MYO1B: variants seen among roughly 807,000 people sequenced by gnomAD.
MYO1B encodes unconventional myosin-Ib.
Under a neutral mutation model 159.7 loss-of-function variants are expected in MYO1B, and 72 were observed. That is an observed-to-expected ratio of 0.45 (90% CI 0.37 to 0.55). The LOEUF (loss-of-function observed/expected upper bound fraction) is 0.55, where lower values mean the gene tolerates loss of function less well. MYO1B is among the 20% of genes least tolerant of loss of function. The pLI, the probability that MYO1B is intolerant of heterozygous loss-of-function variation, is 0.00. For synonymous variants in MYO1B, 468 were observed against 473.8 expected (o/e 0.99, Z 0.16); for missense variants, 1,062 against 1,364.8 (o/e 0.78, Z 3.50).
intron 2 of MYO1B, among the ~76,000 whole-genome samples, chr2:191,292,603 G>T (rs1688748419): frequency 6.6e-6 from 1 of 152,164 alleles, no homozygotes; most frequent in Non-Finnish European, 1.5e-5. Context: ...TTTCTTATCA[G>T]ACTTAAGGTC....
rs1418034652 is a variant in MYO1B at position 191,424,760 on chromosome 2, A to G, written c.*800A>G. The G allele has an allele frequency of 6.6e-6, 1 of 152,508 alleles. No homozygotes were observed. The highest frequency in any genetic ancestry group is 1.9e-4 in the East Asian group (1 of 5,200). 9.4% of individuals were successfully genotyped at this position (152,508 alleles called of 1,614,324 possible). A position where few individuals can be genotyped will look rare whatever the true frequency, so the allele number is the denominator to read the frequency against. On this transcript the variant is annotated 3_prime_UTR_variant, in exon 31 of 31. Coordinates refer to ENST00000392318, the MANE Select transcript of MYO1B (RefSeq NM_001130158.3). ...TTATATGTTTCTGTTTCTGGTAAAT[A>G]CCATATATGATCCTCGAAATGATAA... is the stretch of plus-strand genomic sequence containing the variant.
intron 4 of MYO1B, among the ~76,000 whole-genome samples, chr2:191,339,848 C>T (rs1009928006): frequency 1.1e-4 from 16 of 152,170 alleles, no homozygotes; most frequent in African/African-American, 3.9e-4. Context: ...CAAAAGCCCT[C>T]AGGAATACGT....
intron 3 of MYO1B, among the ~76,000 whole-genome samples, chr2:191,313,285 A>T: frequency 7.7e-6 from 1 of 129,562 alleles, no homozygotes; most frequent in South Asian, 2.4e-4. Flanking sequence ...ACCTCAGCTC[A>T]CTGCAACGTC....
chr2:191,399,384 T>A (rs1156295202), intron 21 of MYO1B, among the ~76,000 whole-genome samples: 1 of 152,230 alleles, frequency 6.6e-6, no homozygotes, highest in African/African-American at 2.4e-5. Context: ...TAAAGTTTTA[T>A]TGGAACACAG....
Position 191,424,548 on chromosome 2 carries a change from G to A in MYO1B, c.*588G>A, listed in dbSNP as rs2126207907. 2 of 152,216 alleles carry A rather than the reference G, an allele frequency of 1.3e-5. No individual in the cohort carries two copies. The highest frequency in any genetic ancestry group is 4.2e-4 in the South Asian group (2 of 4,812). The allele number at this position is 152,216 out of a possible 1,614,324, so 9.4% of individuals were successfully genotyped here. A position where few individuals can be genotyped will look rare whatever the true frequency, so the allele number is the denominator to read the frequency against. ...ACAATATAGGCTTCAAGAAGGGCTG[G>A]TCCTAAGAGGGGGCAGAAATGAATG... On this transcript the variant is annotated 3_prime_UTR_variant, in exon 31 of 31. Transcript: ENST00000392318.
chr2:191,254,015 T>C (rs757630042), intron 1 of MYO1B, among the ~76,000 whole-genome samples: 5 of 152,218 alleles, frequency 3.3e-5, no homozygotes, highest in Non-Finnish European at 5.9e-5. Context: ...GAATGAATGA[T>C]TTAGTACATT....
At chr2:191,259,345 T>TG (rs1686657300) in intron 1 of MYO1B, among the ~76,000 whole-genome samples, 1 of 152,122 alleles carries the variant, frequency 6.6e-6, no homozygotes, top group African/African-American at 2.4e-5. Context: ...TGCAGGAAAA[T>TG]GGAGTTTAAA....
intron 1 of MYO1B, among the ~76,000 whole-genome samples, chr2:191,265,089 T>A (rs1023844100): frequency 6.6e-6 from 1 of 152,072 alleles, no homozygotes; most frequent in African/African-American, 2.4e-5. Flanking sequence ...TCTGGAGGGA[T>A]AATTTTCTTC....
At chr2:191,281,896 C>T (rs889554478) in intron 2 of MYO1B, among the ~76,000 whole-genome samples, 1 of 152,104 alleles carries the variant, frequency 6.6e-6, no homozygotes, top group Non-Finnish European at 1.5e-5. Flanking sequence ...TTATGTTAAA[C>T]TAATTGTAGT....
intron 2 of MYO1B, among the ~76,000 whole-genome samples, chr2:191,286,886 G>T (rs10184127): frequency 1.3e-5 from 2 of 152,054 alleles, no homozygotes; most frequent in Non-Finnish European, 2.9e-5. Flanking sequence ...AGCCAGGATC[G>T]CACCACTGCA....
intron 1 of MYO1B, among the ~76,000 whole-genome samples, chr2:191,276,002 C>G (rs1362470329): frequency 6.6e-6 from 1 of 152,314 alleles, no homozygotes; most frequent in African/African-American, 2.4e-5. Flanking sequence ...GGGTAGAATG[C>G]TGCCTTTGTA....
intron 2 of MYO1B, among the ~76,000 whole-genome samples, chr2:191,292,033 T>C (rs1688717562): frequency 6.6e-6 from 1 of 152,160 alleles, no homozygotes; most frequent in Non-Finnish European, 1.5e-5. Context: ...CTAATGCACA[T>C]AGAACTTTGA....
intron 25 of MYO1B, 52 bp downstream of exon 25, chr2:191,408,241 C>A: frequency 7.8e-7 from 1 of 1,280,388 alleles, no homozygotes; most frequent in Non-Finnish European, 1.1e-6. Context: ...AATTACCCAC[C>A]TAATATCACC....
At chr2:191,404,291 T>C (rs573003006) in intron 24 of MYO1B, among the ~76,000 whole-genome samples, 1 of 152,294 alleles carries the variant, frequency 6.6e-6, no homozygotes, top group South Asian at 2.1e-4. Context: ...TTAGTGTCTG[T>C]AGTGGTATTT....
intron 1 of MYO1B, among the ~76,000 whole-genome samples, chr2:191,254,253 C>T (rs1418390934): frequency 6.6e-6 from 1 of 152,110 alleles, no homozygotes; most frequent in Non-Finnish European, 1.5e-5. Flanking sequence ...GCTCTTGCTG[C>T]CCAGGCTGGA....
chr2:191,379,150 A>G (rs1205183865), intron 13 of MYO1B: 1 of 152,674 alleles, frequency 6.5e-6, no homozygotes, highest in Non-Finnish European at 1.5e-5. Context: ...TACAGCCTGA[A>G]TGGTAAAAGC....
At chr2:191,294,035 T>C (rs572828986) in intron 2 of MYO1B, among the ~76,000 whole-genome samples, 31 of 152,324 alleles carry the variant, frequency 2.0e-4, no homozygotes, top group African/African-American at 7.5e-4. Context: ...GGTCATTTAG[T>C]TAACAAATAT....
intron 13 of MYO1B, chr2:191,377,813 C>A (rs1490158637): frequency 6.6e-6 from 1 of 152,008 alleles, no homozygotes; most frequent in African/African-American, 2.4e-5. Flanking sequence ...TGAACAATGC[C>A]ATCAACTTCA....
intron 4 of MYO1B, among the ~76,000 whole-genome samples, chr2:191,330,922 A>G (rs1385400084): frequency 1.3e-5 from 2 of 152,232 alleles, no homozygotes. Flanking sequence ...TTGAGTTCCC[A>G]TTGATCAAGA....
Sources: allele counts gnomAD v4.1 joint callset (sites outside exome capture counted in the v4.1 genomes callset), GRCh38; gene constraint gnomAD v4.1.1; transcripts MANE v1.5; gene names NCBI Gene and HGNC (gene_info 2026-07-23, HGNC 2026-07-21).